Variants in CD86 observed in about 807,000 individuals in gnomAD.
CD86 encodes T-lymphocyte activation antigen CD86.
CD86 carries 11 observed loss-of-function variants against 32.1 expected under a neutral mutation model. The observed-to-expected ratio is 0.34, with a 90% confidence interval of 0.22 to 0.57. The LOEUF (loss-of-function observed/expected upper bound fraction) is 0.57. CD86 is among the 20% of genes least tolerant of loss of function. The probability of loss-of-function intolerance (pLI) is 0.86; values close to 1 mark genes in which losing one functional copy is unlikely to be tolerated. For synonymous variants in CD86, 137 were observed against 135.3 expected, an observed-to-expected ratio of 1.01 and a Z score of -0.09; for missense variants, 359 against 398.4, an observed-to-expected ratio of 0.90 and a Z score of 0.84.
At chr3:122,105,813 T>G (rs1177700174) in intron 3 of CD86, among the ~76,000 whole-genome samples, 1 of 152,054 alleles carries the variant, frequency 6.6e-6, no homozygotes, top group East Asian at 1.9e-4. Flanking sequence ...CTTCCTGCTC[T>G]CTTAGTCTGG....
intron 1 of CD86, among the ~76,000 whole-genome samples, chr3:122,086,957 G>A (rs1384286559): frequency 6.6e-6 from 1 of 152,196 alleles, no homozygotes; most frequent in Non-Finnish European, 1.5e-5. Context: ...TTAAATCTCA[G>A]CTGTACCATT....
At position 122,116,392 on chromosome 3, in the gene CD86, C is replaced by T. The variant is rs189059047; in HGVS notation, c.848-1656C>T. ...AGATGGCCGATGAGCACAGTCACAACATCATTAGTCATCAGGGAAGTACAA... is the reference window on the plus strand; with the variant it reads ...AGATGGCCGATGAGCACAGTCACAATATCATTAGTCATCAGGGAAGTACAA... On this transcript the variant is annotated intron_variant, in intron 5 of 6. Coordinates refer to ENST00000330540, the MANE Select transcript of CD86 (RefSeq NM_175862.5). Among the ~76,000 whole-genome samples, 308 of 152,182 alleles carry T rather than the reference C, an allele frequency of 2.0e-3. 2 individuals are homozygous for T. The highest frequency in any genetic ancestry group is 2.7e-3 in the Non-Finnish European group (182 of 67,992).
At chr3:122,064,719 G>A (rs1348746215) in intron 1 of CD86, among the ~76,000 whole-genome samples, 1 of 152,096 alleles carries the variant, frequency 6.6e-6, no homozygotes, top group Non-Finnish European at 1.5e-5. Flanking sequence ...GGGCTGGTTT[G>A]GTATAAATCA....
At chr3:122,063,366 TA>T (rs969334201) in intron 1 of CD86, among the ~76,000 whole-genome samples, 1 of 152,132 alleles carries the variant, frequency 6.6e-6, no homozygotes, top group African/African-American at 2.4e-5. Flanking sequence ...TACGGAAACA[TA>T]TTTGTGCACC....
chr3:122,101,513 A>AAAAAAAAATATAT (rs1202377219), intron 2 of CD86, among the ~76,000 whole-genome samples: 18 of 46,328 alleles, frequency 3.9e-4, no homozygotes, highest in African/African-American at 1.5e-3. Flanking sequence ...AAAAAAAAAA[A>AAAAAAAAATATAT]ATATATATAT....
intron 2 of CD86, among the ~76,000 whole-genome samples, chr3:122,101,856 G>A (rs2073015317): frequency 6.6e-6 from 1 of 152,016 alleles, no homozygotes; most frequent in African/African-American, 2.4e-5. Flanking sequence ...ATCTTCCTTA[G>A]GTCTCCCTTT....
chr3:122,097,526 A>T (rs945119693), intron 2 of CD86, among the ~76,000 whole-genome samples: 5 of 152,240 alleles, frequency 3.3e-5, no homozygotes, highest in African/African-American at 1.2e-4. Flanking sequence ...ACATAGAGTG[A>T]GTATACCAGT....
intron 1 of CD86, among the ~76,000 whole-genome samples, chr3:122,088,414 T>C (rs1301709466): frequency 1.3e-5 from 2 of 152,208 alleles, no homozygotes; most frequent in African/African-American, 2.4e-5. Context: ...AGAAAATTAA[T>C]ACTTTGTGAC....
intron 1 of CD86, among the ~76,000 whole-genome samples, chr3:122,056,523 C>CG (rs1320110410): frequency 3.9e-5 from 6 of 152,156 alleles, no homozygotes; most frequent in South Asian, 4.2e-4. Flanking sequence ...TTGGTAGAGA[C>CG]GGGGTCCACC....
intron 1 of CD86, among the ~76,000 whole-genome samples, chr3:122,066,830 T>C (rs1034334198): frequency 2.0e-5 from 3 of 152,072 alleles, no homozygotes; most frequent in African/African-American, 7.2e-5. Flanking sequence ...ATATGAGTAG[T>C]AGATTTTTAA....
intron 3 of CD86, among the ~76,000 whole-genome samples, chr3:122,104,633 TA>T (rs1475549329): frequency 6.6e-6 from 1 of 152,244 alleles, no homozygotes; most frequent in East Asian, 1.9e-4. Flanking sequence ...TCTGCACTCA[TA>T]ACCCTTGTTG....
intron 5 of CD86, among the ~76,000 whole-genome samples, chr3:122,115,864 T>C (rs915921717): frequency 6.6e-6 from 1 of 150,388 alleles, no homozygotes; most frequent in Non-Finnish European, 1.5e-5. Flanking sequence ...TATCAGTCAA[T>C]GGAACAAAAT....
intron 5 of CD86, among the ~76,000 whole-genome samples, chr3:122,114,260 T>TATAAATAAATAAATAAATAA (rs56864968): frequency 2.0e-5 from 3 of 151,366 alleles, no homozygotes; most frequent in African/African-American, 7.3e-5. Flanking sequence ...TCTTAAAAAA[T>TATAAATAAATAAATAAATAA]ATAAATAAAT....
chr3:122,081,792 C>T (rs906183457), intron 1 of CD86, among the ~76,000 whole-genome samples: 1 of 152,132 alleles, frequency 6.6e-6, no homozygotes, highest in Non-Finnish European at 1.5e-5. Context: ...GTTCTGAGAC[C>T]AAGTCTGACT....
intron 2 of CD86, among the ~76,000 whole-genome samples, chr3:122,096,949 A>G (rs941954614): frequency 3.3e-5 from 5 of 152,212 alleles, no homozygotes; most frequent in Non-Finnish European, 7.3e-5. Flanking sequence ...TGTAGAATGA[A>G]TTCTTAAGAA....
intron 1 of CD86, among the ~76,000 whole-genome samples, chr3:122,061,221 G>A (rs1356564829): frequency 6.6e-6 from 1 of 152,114 alleles, no homozygotes; most frequent in Non-Finnish European, 1.5e-5. Context: ...GGCCAACCTA[G>A]ATTATCACCC....
chr3:122,101,507 AAAAAAAATAT>A (rs1362289283), intron 2 of CD86, among the ~76,000 whole-genome samples: 49 of 79,776 alleles, frequency 6.1e-4, no homozygotes, highest in African/African-American at 1.2e-3. Context: ...AAAAAAAAAA[AAAAAAAATAT>A]ATATATATAT....
At chr3:122,080,311 T>C (rs1315494012) in intron 1 of CD86, among the ~76,000 whole-genome samples, 3 of 152,124 alleles carry the variant, frequency 2.0e-5, no homozygotes, top group Non-Finnish European at 4.4e-5. Context: ...AAAATCGTTC[T>C]CAAATTCATC....
chr3:122,059,535 C>CAA (rs35060876), intron 1 of CD86, among the ~76,000 whole-genome samples: 6 of 67,928 alleles, frequency 8.8e-5, no homozygotes, highest in African/African-American at 1.8e-4. Flanking sequence ...GACTCCGTCT[C>CAA]AAAAAAAAAA....
Sources: allele counts gnomAD v4.1 joint callset (sites outside exome capture counted in the v4.1 genomes callset), GRCh38; gene constraint gnomAD v4.1.1; transcripts MANE v1.5; gene names NCBI Gene and HGNC (gene_info 2026-07-23, HGNC 2026-07-21).